The following MALRD1 variants were observed in gnomAD, a reference collection of about 807,000 sequenced individuals.
The protein encoded by MALRD1 is MAM and LDL receptor class A domain containing 1, also known as MAM and LDL-receptor class A domain-containing protein 1.
In MALRD1, 247 loss-of-function variants were observed where a neutral mutation model predicts 242.1. The observed-to-expected ratio is 1.02, with a 90% CI of 0.92 to 1.13. The LOEUF is 1.13. Ranked by LOEUF, MALRD1 falls within the 50% of genes most tolerant of loss-of-function variation. MALRD1 has a pLI of 0.00. For missense variants in MALRD1, 2,989 were observed against 2,533.1 expected, an observed-to-expected ratio of 1.18 and a Z score of -3.86; for synonymous variants, 995 against 866.6, an observed-to-expected ratio of 1.15 and a Z score of -2.60.
chr10:19,381,803 C>A (rs1033616206), intron 26 of MALRD1, among the ~76,000 whole-genome samples: 2 of 152,010 alleles, frequency 1.3e-5, no homozygotes, highest in Non-Finnish European at 2.9e-5. Context: ...TACGCCACTG[C>A]ACTCCAGCCT....
At chr10:19,457,969 T>A (rs981092870) in intron 29 of MALRD1, among the ~76,000 whole-genome samples, 1 of 152,086 alleles carries the variant, frequency 6.6e-6, no homozygotes, top group Non-Finnish European at 1.5e-5. Context: ...GAATATTTGT[T>A]AACTACAAAT....
chr10:19,201,241 C>T (rs1402533384), intron 14 of MALRD1, among the ~76,000 whole-genome samples: 1 of 151,982 alleles, frequency 6.6e-6, no homozygotes, highest in African/African-American at 2.4e-5. Flanking sequence ...TTGATTATTA[C>T]ATTTATGATC....
intron 35 of MALRD1, among the ~76,000 whole-genome samples, chr10:19,615,282 T>C (rs1217721817): frequency 1.3e-5 from 2 of 150,274 alleles, no homozygotes; most frequent in Admixed American, 6.7e-5. Context: ...TTTTGGGAGG[T>C]CAAGGTGGGA....
Position 19,170,787 on chromosome 10 carries a change from T to C in MALRD1, c.1831-4421T>C, listed in dbSNP as rs76831679. Among the ~76,000 whole-genome samples, 2,433 of 152,270 alleles carry C rather than the reference T, an allele frequency of 0.016. 103 individuals are homozygous for C. In the East Asian group the frequency reaches 0.18, roughly 11 times the overall value. On this transcript the variant is annotated intron_variant, in intron 13 of 39. Transcript: ENST00000454679. Reference sequence around the variant, plus strand: ...CATGTGACATTCAACCAATTACTTCTATTCTCTAATCTTCTGTTTCTTTCA... The same window carrying C: ...CATGTGACATTCAACCAATTACTTCCATTCTCTAATCTTCTGTTTCTTTCA...
At chr10:19,449,728 A>G (rs1172067448) in intron 28 of MALRD1, among the ~76,000 whole-genome samples, 3 of 152,140 alleles carry the variant, frequency 2.0e-5, no homozygotes, top group African/African-American at 7.2e-5. Flanking sequence ...AAAAATAACT[A>G]TTTGGTACTA....
intron 1 of MALRD1, among the ~76,000 whole-genome samples, chr10:19,065,247 A>G (rs1384422035): frequency 7.4e-6 from 1 of 135,484 alleles, no homozygotes; most frequent in Admixed American, 8.7e-5. Context: ...AGATCGTGCC[A>G]TTGGACTCCA....
At chr10:19,568,532 G>C (rs755657884) in intron 33 of MALRD1, among the ~76,000 whole-genome samples, 2 of 152,036 alleles carry the variant, frequency 1.3e-5, no homozygotes, top group African/African-American at 4.8e-5. Context: ...CTAATAACCA[G>C]TGTGAGCCTG....
intron 19 of MALRD1, among the ~76,000 whole-genome samples, chr10:19,263,304 G>T (rs1021780825): frequency 6.6e-6 from 1 of 152,132 alleles, no homozygotes; most frequent in Non-Finnish European, 1.5e-5. Context: ...ACCAACACTA[G>T]CTATCTTTTA....
At chr10:19,490,950 C>A (rs913569048) in intron 29 of MALRD1, 1 of 174,290 alleles carries the variant, frequency 5.7e-6, no homozygotes, top group Non-Finnish European at 1.2e-5. Flanking sequence ...TCAGGAAAAG[C>A]AAAATAAAAT....
At chr10:19,649,576 A>T (rs1840780804) in intron 36 of MALRD1, among the ~76,000 whole-genome samples, 1 of 151,690 alleles carries the variant, frequency 6.6e-6, no homozygotes, top group South Asian at 2.1e-4. Context: ...TTTTTAATGG[A>T]GTTGTTTTTC....
chr10:19,583,262 T>C (rs1303398424), intron 33 of MALRD1, among the ~76,000 whole-genome samples: 2 of 148,666 alleles, frequency 1.3e-5, no homozygotes, highest in Non-Finnish European at 3.0e-5. Flanking sequence ...AACACTATGT[T>C]GAATAGGAGT....
chr10:19,210,598 A>G (rs1837006943), intron 18 of MALRD1, among the ~76,000 whole-genome samples: 1 of 152,218 alleles, frequency 6.6e-6, no homozygotes, highest in South Asian at 2.1e-4. Context: ...GCATGTACTC[A>G]ACTTCTTTAG....
chr10:19,522,848 T>C (rs1833942483), intron 31 of MALRD1, among the ~76,000 whole-genome samples: 2 of 152,168 alleles, frequency 1.3e-5, no homozygotes, highest in South Asian at 4.1e-4. Flanking sequence ...ATACATATTA[T>C]TAGCTTGTAA....
At chr10:19,377,498 T>C (rs1845659942) in intron 26 of MALRD1, among the ~76,000 whole-genome samples, 1 of 152,122 alleles carries the variant, frequency 6.6e-6, no homozygotes, top group South Asian at 2.1e-4. Context: ...TGTTTTATTC[T>C]CTGCTTGTTA....
chr10:19,131,894 C>G (rs1345262476), intron 8 of MALRD1, among the ~76,000 whole-genome samples: 1 of 152,132 alleles, frequency 6.6e-6, no homozygotes, highest in Non-Finnish European at 1.5e-5. Context: ...TTTACATTAA[C>G]ACCTGTGAAA....
In MALRD1 at chr10:19,567,570, A is replaced by G. The variant is rs549522128; in HGVS notation, c.5547A>G (p.Gly1849=). The part of the protein sequence containing the change: ...VWSVIGNKRT[G]WTYGSVPLSS... The stretch of plus-strand genomic sequence containing the variant: ...CAGTGATTGGAAATAAAAGAACGGG[A>G]TGGACATATGGCTCTGTGCCTCTCT... Residue 1849 remains glycine (G), a synonymous_variant, in exon 33 of 40, where the codon GGA becomes GGG. Transcript: ENST00000454679. 47 of 1,550,482 alleles carry G rather than the reference A, an allele frequency of 3.0e-5. No homozygotes were observed. In the East Asian group the frequency reaches 1.1e-3, roughly 37 times the overall value.
intron 36 of MALRD1, among the ~76,000 whole-genome samples, chr10:19,628,121 C>T (rs924528773): frequency 6.6e-6 from 1 of 152,024 alleles, no homozygotes; most frequent in African/African-American, 2.4e-5. Context: ...AGTGACAAAA[C>T]ATTTTTTGGT....
rs373344514 is a variant in MALRD1, at chr10:19,243,704, C to G, written c.2992-13980C>G. Among the ~76,000 whole-genome samples the G allele has an allele frequency of 2.6e-5, 4 of 152,178 alleles. No homozygotes were observed. The East Asian group carries it at 5.8e-4, about 22-fold the overall frequency. ...TTGGGTCTTTACCTCTCAGCATACA[C>G]CTGATTATTAACTTAAAGTTATGAT... On this transcript the variant is annotated intron_variant, in intron 18 of 39. Transcript: ENST00000454679.
At chr10:19,361,862 T>C (rs1217677003) in intron 26 of MALRD1, among the ~76,000 whole-genome samples, 1 of 152,164 alleles carries the variant, frequency 6.6e-6, no homozygotes, top group Non-Finnish European at 1.5e-5. Context: ...GTATTTCTTA[T>C]CAAAAGTTCG....
Sources: gnomAD v4.1 joint callset for allele counts (sites outside exome capture counted in the v4.1 genomes callset) on GRCh38, gnomAD v4.1.1 for gene constraint, MANE v1.5 for transcripts, NCBI Gene and HGNC (gene_info 2026-07-23, HGNC 2026-07-21) for gene names.